Variants in ADAMTSL1 observed in about 807,000 individuals in gnomAD.
The protein encoded by ADAMTSL1 is ADAMTS-like protein 1.
A neutral mutation model predicts 201.8 loss-of-function variants in ADAMTSL1; 126 were observed. The ratio of observed to expected loss-of-function variants is 0.62; its 90% CI spans 0.54 to 0.72. ADAMTSL1 has a LOEUF of 0.72. Among genes scored for constraint, ADAMTSL1 ranks in the 30% least tolerant of loss-of-function variants. ADAMTSL1 has a pLI of 0.00. For synonymous variants in ADAMTSL1, 1,121 were observed against 903.4 expected (o/e 1.24, Z -4.32); for missense variants, 2,679 against 2,277.8 (o/e 1.18, Z -3.59).
intron 21 of ADAMTSL1, 102 bp downstream of exon 21, chr9:18,817,339 T>C: frequency 8.2e-7 from 1 of 1,215,134 alleles, no homozygotes; most frequent in Non-Finnish European, 1.1e-6. Context: ...AGGGATATAG[T>C]GCTAGTAGGA....
chr9:18,460,669 A>T (rs1228042599), intron 2 of ADAMTSL1, among the ~76,000 whole-genome samples: 1 of 152,186 alleles, frequency 6.6e-6, no homozygotes, highest in Non-Finnish European at 1.5e-5. Context: ...GCTTCTTTTC[A>T]TTGCTTTCAT....
chr9:18,527,453 G>A (rs970585947), intron 2 of ADAMTSL1, among the ~76,000 whole-genome samples: 100 of 152,292 alleles, frequency 6.6e-4, no homozygotes, highest in African/African-American at 2.4e-3. Flanking sequence ...GAATTTTAAA[G>A]TAAAGGAGCG....
At position 18,221,782 on chromosome 9, in the gene ADAMTSL1, A is replaced by G. The variant is rs539427819; in HGVS notation, c.207+57801A>G. On this transcript the variant is annotated intron_variant, in intron 2 of 29. Coordinates refer to the ADAMTSL1 transcript ENST00000680146. Reference sequence around the variant, plus strand: ...TCCAGTTGTTGCTGCAGTGTTCTATATAAGTCCCTTAGATTAATGTTATTT... The same window carrying G: ...TCCAGTTGTTGCTGCAGTGTTCTATGTAAGTCCCTTAGATTAATGTTATTT... 1.9e-3 allele frequency among the ~76,000 whole-genome samples: 291 copies of G among 152,220 alleles called. 4 individuals carry two copies. The highest frequency in any genetic ancestry group is 3.5e-3 in the Non-Finnish European group (240 of 67,980).
At chr9:18,679,787 A>C (rs921620012) in intron 10 of ADAMTSL1, among the ~76,000 whole-genome samples, 1 of 152,166 alleles carries the variant, frequency 6.6e-6, no homozygotes, top group African/African-American at 2.4e-5. Flanking sequence ...GCAGAAGCAA[A>C]GGAGAGTCTT....
chr9:18,373,512 C>A (rs181181095), intron 2 of ADAMTSL1, among the ~76,000 whole-genome samples: 1 of 152,182 alleles, frequency 6.6e-6, no homozygotes, highest in East Asian at 1.9e-4. Flanking sequence ...TTTGGCTCTG[C>A]CCTCGGAAGT....
At chr9:18,902,404 GA>G (rs1374356943) in intron 26 of ADAMTSL1, among the ~76,000 whole-genome samples, 1 of 152,178 alleles carries the variant, frequency 6.6e-6, no homozygotes, top group Non-Finnish European at 1.5e-5. Context: ...AATGTATACA[GA>G]GTATCTTTTC....
At chr9:18,509,280 C>G (rs1446479212) in intron 2 of ADAMTSL1, among the ~76,000 whole-genome samples, 1 of 133,406 alleles carries the variant, frequency 7.5e-6, no homozygotes, top group Non-Finnish European at 1.6e-5. Context: ...GACTTCGAAT[C>G]AGTTTGATTT....
Position 18,750,071 on chromosome 9 carries a change from A to C in ADAMTSL1, c.2007-3227A>C, listed in dbSNP as rs114746739. On this transcript the variant is annotated intron_variant, in intron 15 of 28. Transcript: ENST00000380548. ...TTTATAAGACATACAAAGAGGGTTC[A>C]CCAGCACTGGCCATGGATGTTAGAT... 2.2e-3 allele frequency among the ~76,000 whole-genome samples: 333 copies of C among 152,344 alleles called. 1 individual carries two copies. Among genetic ancestry groups the C allele is most frequent in the African/African-American group, 7.8e-3 (323 of 41,576 alleles).
intron 4 of ADAMTSL1, among the ~76,000 whole-genome samples, chr9:18,579,331 G>A (rs1177102691): frequency 2.3e-5 from 3 of 133,108 alleles, no homozygotes; most frequent in Non-Finnish European, 3.1e-5. Context: ...AATATCACAC[G>A]CTGGGGACTG....
chr9:18,810,272 A>G (rs988967251), intron 20 of ADAMTSL1, among the ~76,000 whole-genome samples: 24 of 152,324 alleles, frequency 1.6e-4, no homozygotes, highest in Admixed American at 1.2e-3. Context: ...GAGCCTATGC[A>G]TGCATTCCAA....
chr9:17,941,020 T>C lies in ADAMTSL1; in HGVS notation c.87+34098T>C, dbSNP rs183049885. On this transcript the variant is annotated intron_variant, in intron 1 of 29. Coordinates refer to the ADAMTSL1 transcript ENST00000680146. Reference sequence around the variant, plus strand: ...CTTCTGCAGCTACAGGTTTTGATGCTGACTCTTTGTTTTTTAATAAGAGTC... The same window carrying C: ...CTTCTGCAGCTACAGGTTTTGATGCCGACTCTTTGTTTTTTAATAAGAGTC... 3.4e-5 allele frequency among the ~76,000 whole-genome samples: 5 copies of C among 148,416 alleles called. No homozygotes were observed. In the East Asian group the frequency reaches 9.7e-4, roughly 29 times the overall value.
At chr9:18,458,144 G>A (rs934604101) in intron 2 of ADAMTSL1, among the ~76,000 whole-genome samples, 10 of 152,140 alleles carry the variant, frequency 6.6e-5, no homozygotes, top group Non-Finnish European at 1.0e-4. Flanking sequence ...TTTCATAGAA[G>A]TAATTATAGA....
intron 1 of ADAMTSL1, among the ~76,000 whole-genome samples, chr9:17,913,723 G>T (rs916301363): frequency 2.6e-5 from 4 of 152,156 alleles, no homozygotes; most frequent in African/African-American, 9.7e-5. Context: ...AAAAACTGAT[G>T]AATCCAGGAG....
chr9:18,580,045 T>C (rs1270863303), intron 4 of ADAMTSL1, among the ~76,000 whole-genome samples: 2 of 152,232 alleles, frequency 1.3e-5, no homozygotes, highest in East Asian at 1.9e-4. Context: ...ACCTGATATA[T>C]GTCAAAAGAA....
chr9:18,075,005 T>G (rs181001963), intron 1 of ADAMTSL1, among the ~76,000 whole-genome samples: 1 of 152,274 alleles, frequency 6.6e-6, no homozygotes, highest in East Asian at 1.9e-4. Context: ...TATTCCTTAT[T>G]TATTTCCTTC....
intron 2 of ADAMTSL1, among the ~76,000 whole-genome samples, chr9:18,339,545 G>A (rs1259225480): frequency 1.3e-5 from 2 of 152,120 alleles, no homozygotes; most frequent in South Asian, 4.1e-4. Context: ...AAGCAGTTTG[G>A]CAATTTCTCA....
At position 18,169,585 on chromosome 9, in the gene ADAMTSL1, C is replaced by T. The variant is rs1357424378; in HGVS notation, c.207+5604C>T. On this transcript the variant is annotated intron_variant, in intron 2 of 29. Transcript: ENST00000680146. Reference sequence around the variant, plus strand: ...GATGCCTCCAGCTTTGTTCTTTTGACTTAGGATTGACTTGGCGATGCGGGC... The same window carrying T: ...GATGCCTCCAGCTTTGTTCTTTTGATTTAGGATTGACTTGGCGATGCGGGC... Among the ~76,000 whole-genome samples the T allele has an allele frequency of 2.6e-5, 4 of 152,096 alleles. No individual in the cohort carries two copies. The East Asian group carries it at 7.7e-4, about 29-fold the overall frequency.
intron 3 of ADAMTSL1, among the ~76,000 whole-genome samples, chr9:18,558,255 C>T (rs1821232599): frequency 6.6e-6 from 1 of 152,136 alleles, no homozygotes; most frequent in Non-Finnish European, 1.5e-5. Flanking sequence ...TGAGAACATT[C>T]AGTGTCTGGT....
intron 13 of ADAMTSL1, among the ~76,000 whole-genome samples, chr9:18,701,201 T>C (rs1339924689): frequency 1.4e-5 from 2 of 142,950 alleles, no homozygotes. Flanking sequence ...TAATCAGTAA[T>C]CTTTTGGGTT....
Sources: gnomAD v4.1 joint callset for allele counts (sites outside exome capture counted in the v4.1 genomes callset) on GRCh38, gnomAD v4.1.1 for gene constraint, MANE v1.5 for transcripts, NCBI Gene and HGNC (gene_info 2026-07-23, HGNC 2026-07-21) for gene names.